DLG2: variants seen among roughly 807,000 people sequenced by gnomAD.
DLG2 encodes the protein disks large homolog 2.
In DLG2, 45 loss-of-function variants were observed where a neutral mutation model predicts 132.5. The ratio of observed to expected loss-of-function variants is 0.34; its 90% CI spans 0.27 to 0.44. The LOEUF (loss-of-function observed/expected upper bound fraction) is 0.44. Among genes scored for constraint, DLG2 ranks in the 20% least tolerant of loss-of-function variants. The pLI, the probability that DLG2 is intolerant of heterozygous loss-of-function variation, is 1.00. For missense variants in DLG2, 1,045 were observed against 1,196.9 expected, an observed-to-expected ratio of 0.87 and a Z score of 1.87; for synonymous variants, 424 against 419.6, an observed-to-expected ratio of 1.01 and a Z score of -0.13.
At chr11:85,287,978 A>G (rs2078665739) in intron 3 of DLG2, among the ~76,000 whole-genome samples, 1 of 152,130 alleles carries the variant, frequency 6.6e-6, no homozygotes, top group South Asian at 2.1e-4. Flanking sequence ...AGACAAAAGC[A>G]AAGGACGACA....
intron 8 of DLG2, among the ~76,000 whole-genome samples, chr11:84,220,094 T>C (rs1178745410): frequency 6.6e-6 from 1 of 152,214 alleles, no homozygotes; most frequent in East Asian, 1.9e-4. Flanking sequence ...GTTCCCTCTA[T>C]GGACTTTCCA....
chr11:84,373,353 T>G (rs1332208067), intron 7 of DLG2, among the ~76,000 whole-genome samples: 8 of 145,466 alleles, frequency 5.5e-5, no homozygotes, highest in African/African-American at 1.8e-4. Flanking sequence ...GTAGATCACC[T>G]AAGCTCAGGA....
intron 6 of DLG2, among the ~76,000 whole-genome samples, chr11:84,930,704 C>G (rs1404259736): frequency 6.6e-6 from 1 of 152,166 alleles, no homozygotes; most frequent in Non-Finnish European, 1.5e-5. Flanking sequence ...TTTTGCTCCT[C>G]TCAGTGTATG....
intron 17 of DLG2, among the ~76,000 whole-genome samples, chr11:83,793,979 A>G (rs944048286): frequency 6.6e-6 from 1 of 152,210 alleles, no homozygotes; most frequent in African/African-American, 2.4e-5. Flanking sequence ...TGAACCCCGT[A>G]AAGGAAGGGA....
At chr11:84,815,769 C>T (rs779590853) in intron 6 of DLG2, among the ~76,000 whole-genome samples, 1 of 152,026 alleles carries the variant, frequency 6.6e-6, no homozygotes, top group Non-Finnish European at 1.5e-5. Context: ...GTGCTCACAT[C>T]TATTAACTGG....
chr11:84,469,248 C>G (rs150500222), intron 7 of DLG2, among the ~76,000 whole-genome samples: 2 of 151,544 alleles, frequency 1.3e-5, no homozygotes, highest in South Asian at 2.1e-4. Context: ...TGAGGAAGAA[C>G]ACACTGAAGG....
chr11:83,554,607 A>G (rs928930971), intron 19 of DLG2, among the ~76,000 whole-genome samples: 1 of 152,188 alleles, frequency 6.6e-6, no homozygotes, highest in Non-Finnish European at 1.5e-5. Context: ...TTATTTTAAT[A>G]TTGATCTATC....
chr11:83,786,909 C>T lies in DLG2; in HGVS notation c.1723-117G>A, dbSNP rs1251034556. ...ATTATATCACATGCCTCAGAAACCC[C>T]TCATATCCTACTCAGGTGTTTGTGG... On this transcript the variant is annotated intron_variant, in intron 17 of 27. Transcript: ENST00000376104. The T allele has an allele frequency of 4.2e-6, 3 of 713,132 alleles. No individual in the cohort carries two copies. The African/African-American group carries it at 5.3e-5, about 13-fold the overall frequency. 44.2% of individuals were successfully genotyped at this position (713,132 alleles called of 1,614,324 possible). A position where few individuals can be genotyped will look rare whatever the true frequency, so the allele number is the denominator to read the frequency against.
chr11:84,731,618 G>C (rs906768065), intron 6 of DLG2, among the ~76,000 whole-genome samples: 2 of 151,732 alleles, frequency 1.3e-5, no homozygotes, highest in Admixed American at 1.3e-4. Flanking sequence ...GAAGGACTGA[G>C]ATAAACGTAA....
In DLG2 at chr11:84,844,804, A is replaced by G. The variant is rs554655327; in HGVS notation, c.357+266857T>C. Reference sequence around the variant, plus strand: ...TTAAAAGATACATATAACAGGTTAAATTATTTGTTGTTTTGCATTGCATAT... The same window carrying G: ...TTAAAAGATACATATAACAGGTTAAGTTATTTGTTGTTTTGCATTGCATAT... On this transcript the variant is annotated intron_variant, in intron 6 of 27. Transcript: ENST00000376104. 2.6e-5 allele frequency among the ~76,000 whole-genome samples: 4 copies of G among 152,242 alleles called. No individual in the cohort carries two copies. The South Asian group carries it at 8.3e-4, about 32-fold the overall frequency.
intron 6 of DLG2, among the ~76,000 whole-genome samples, chr11:84,698,950 T>C (rs1328985885): frequency 6.6e-6 from 1 of 151,622 alleles, no homozygotes; most frequent in African/African-American, 2.4e-5. Flanking sequence ...TGCGTTGCTA[T>C]TTTTAAAACT....
intron 8 of DLG2, among the ~76,000 whole-genome samples, chr11:84,195,595 C>A (rs1045049364): frequency 6.6e-6 from 1 of 152,188 alleles, no homozygotes; most frequent in African/African-American, 2.4e-5. Flanking sequence ...TCTAACCTTG[C>A]CACTTATATT....
intron 2 of DLG2, among the ~76,000 whole-genome samples, chr11:85,605,862 C>T (rs906505870): frequency 1.3e-5 from 2 of 152,034 alleles, no homozygotes; most frequent in African/African-American, 4.8e-5. Flanking sequence ...GCCTGTAATC[C>T]CAGCTACTTG....
intron 3 of DLG2, among the ~76,000 whole-genome samples, chr11:85,568,194 T>C (rs2077641959): frequency 6.6e-6 from 1 of 152,042 alleles, no homozygotes; most frequent in Admixed American, 6.6e-5. Flanking sequence ...TTTTTGTATT[T>C]AATAGAGATG....
intron 15 of DLG2, among the ~76,000 whole-genome samples, chr11:83,886,897 C>T (rs919611410): frequency 8.7e-5 from 13 of 150,206 alleles, no homozygotes; most frequent in Non-Finnish European, 1.5e-4. Context: ...TCTTTGAAAC[C>T]AACGACAACA....
chr11:83,920,263 A>T (rs1253338337), intron 15 of DLG2, among the ~76,000 whole-genome samples: 5 of 152,176 alleles, frequency 3.3e-5, no homozygotes, highest in African/African-American at 1.2e-4. Context: ...TGACTTTAAA[A>T]GCCCTCTTCA....
intron 21 of DLG2, among the ~76,000 whole-genome samples, chr11:83,529,334 C>T (rs865785385): frequency 6.6e-6 from 1 of 152,134 alleles, no homozygotes; most frequent in Non-Finnish European, 1.5e-5. Context: ...TTGTTCTCTC[C>T]TTTCCTCAGT....
intron 7 of DLG2, among the ~76,000 whole-genome samples, chr11:84,432,157 G>A (rs1001589565): frequency 6.6e-6 from 1 of 152,200 alleles, no homozygotes; most frequent in South Asian, 2.1e-4. Context: ...AAGTTTCCTA[G>A]TGATGGTGAT....
intron 16 of DLG2, among the ~76,000 whole-genome samples, chr11:83,864,205 G>T (rs115465450): frequency 1.3e-5 from 2 of 152,270 alleles, no homozygotes; most frequent in East Asian, 1.9e-4. Flanking sequence ...AATTCCACCC[G>T]AACAGTGCTA....
Sources: gnomAD v4.1 joint callset for allele counts (sites outside exome capture counted in the v4.1 genomes callset) on GRCh38, gnomAD v4.1.1 for gene constraint, MANE v1.5 for transcripts, NCBI Gene and HGNC (gene_info 2026-07-23, HGNC 2026-07-21) for gene names.